USB1: variants seen among roughly 807,000 people sequenced by gnomAD.
The protein encoded by USB1 is U6 snRNA phosphodiesterase 1.
A neutral mutation model predicts 29.9 loss-of-function variants in USB1; 21 were observed. The ratio of observed to expected loss-of-function variants is 0.70; its 90% confidence interval spans 0.50 to 1.01. The LOEUF is 1.01. Ranked by LOEUF, USB1 falls within the 50% of genes least tolerant of loss-of-function variation. The pLI is 0.00. For missense variants in USB1, 330 were observed against 347.1 expected (o/e 0.95, Z 0.39); for synonymous variants, 143 against 134.9 (o/e 1.06, Z -0.42).
intron 3 of USB1, chr16:58,010,951 C>T (rs1332415513): frequency 4.6e-5 from 32 of 699,596 alleles, no homozygotes; most frequent in Admixed American, 4.0e-4. Context: ...CCTCCCATAC[C>T]GGGAGGGTAG....
chr16:58,001,154 T>C (rs1963173914), upstream of USB1, among the ~76,000 whole-genome samples: 1 of 152,098 alleles, frequency 6.6e-6, no homozygotes. Context: ...GTGTCTGGTA[T>C]GTCTGGTCCC....
intron 4 of USB1, chr16:58,015,952 T>C (rs1963605387): frequency 6.6e-6 from 1 of 152,300 alleles, no homozygotes; most frequent in Non-Finnish European, 1.5e-5. Context: ...ATTTTCAGTA[T>C]AATGGAAGCC....
chr16:58,011,257 G>A lies in USB1; in HGVS notation c.449+1145G>A. The A allele has an allele frequency of 3.4e-6, 5 of 1,456,828 alleles. No homozygotes were observed. The South Asian group carries it at 4.3e-5, about 13-fold the overall frequency. 90.2% of individuals were successfully genotyped at this position (1,456,828 alleles called of 1,614,324 possible). A position where few individuals can be genotyped will look rare whatever the true frequency, so the allele number is the denominator to read the frequency against. ...CATTTCACAGTGATAGGTCAAACAGGTCATGGTAATGGTGGGAGCTACCTC... is the reference window on the plus strand; with the variant it reads ...CATTTCACAGTGATAGGTCAAACAGATCATGGTAATGGTGGGAGCTACCTC... On this transcript the variant is annotated intron_variant, in intron 3 of 6. Coordinates refer to ENST00000219281, the MANE Select transcript of USB1 (RefSeq NM_024598.4).
At chr16:58,011,840 C>T in intron 3 of USB1, 2 of 990,990 alleles carry the variant, frequency 2.0e-6, no homozygotes, top group Non-Finnish European at 2.4e-6. Flanking sequence ...GTGCTCTGCT[C>T]ACAGTAGACA....
rs905780203 is a variant in USB1 at position 58,012,087 on chromosome 16, C to T, written c.449+1975C>T. 4 of 1,373,944 alleles carry T rather than the reference C, an allele frequency of 2.9e-6. No individual in the cohort carries two copies. In the African/African-American group the frequency reaches 4.4e-5, roughly 15 times the overall value. 85.1% of individuals were successfully genotyped at this position (1,373,944 alleles called of 1,614,324 possible). A position where few individuals can be genotyped will look rare whatever the true frequency, so the allele number is the denominator to read the frequency against. On this transcript the variant is annotated intron_variant, in intron 3 of 6. Coordinates refer to ENST00000219281, the MANE Select transcript of USB1 (RefSeq NM_024598.4). ...TAGCCAAAGCCCCATTCCCACAGTT[C>T]AGGGGGCCATAGGCCCAGGAATTCC... is the stretch of plus-strand genomic sequence containing the variant.
chr16:58,018,389 A>G (rs1301113584), intron 5 of USB1, among the ~76,000 whole-genome samples: 1 of 151,918 alleles, frequency 6.6e-6, no homozygotes, highest in Non-Finnish European at 1.5e-5. Flanking sequence ...ACGCCCAGCT[A>G]ATTTTTGTAT....
rs187145857 is a variant in USB1, at chr16:58,002,445, T to A, written c.99-34T>A. On this transcript the variant is annotated intron_variant, in intron 1 of 6. Coordinates refer to ENST00000219281, the MANE Select transcript of USB1 (RefSeq NM_024598.4). ...ACAAAGGTAGAGAATGCTAACAGGA[T>A]AAATGTACTCATTTTTCTTTTTTTC... 0.076 allele frequency: 121,898 copies of A among 1,612,346 alleles called. 5,193 individuals are homozygous for A. The highest frequency in any genetic ancestry group is 0.083 in the South Asian group (7,596 of 91,068).
chr16:58,014,356 A>G (rs946913736), intron 4 of USB1, 30 bp downstream of exon 4: 1 of 1,592,372 alleles, frequency 6.3e-7, no homozygotes, highest in Admixed American at 1.7e-5. Flanking sequence ...AATCACCATC[A>G]GAGGAAGATT....
chr16:58,005,914 C>G (rs1301888538), intron 2 of USB1, among the ~76,000 whole-genome samples: 1 of 152,196 alleles, frequency 6.6e-6, no homozygotes, highest in Non-Finnish European at 1.5e-5. Flanking sequence ...TTGTTCGTTG[C>G]TGGTGTATAG....
intron 3 of USB1, chr16:58,012,636 C>G: frequency 7.7e-7 from 1 of 1,302,890 alleles, no homozygotes; most frequent in Non-Finnish European, 9.8e-7. Flanking sequence ...TCTGACCCGT[C>G]TCCTGTGTGC....
chr16:58,016,722 G>A (rs758342982), intron 4 of USB1: 2 of 173,254 alleles, frequency 1.2e-5, no homozygotes, highest in African/African-American at 2.4e-5. Context: ...GGCGGACAGC[G>A]AAGTGTCCCT....
At chr16:58,011,624 G>A (rs1453016340) in intron 3 of USB1, 12 of 988,632 alleles carry the variant, frequency 1.2e-5, no homozygotes, top group Non-Finnish European at 1.4e-5. Flanking sequence ...TGACACCTCC[G>A]TCCAGAGATC....
chr16:58,014,225 G>C, intron 3 of USB1, 48 bp from the exon 4 acceptor site: 1 of 1,495,538 alleles, frequency 6.7e-7, no homozygotes. Context: ...TATTTTTTCT[G>C]CTTTTTTTCT....
At chr16:58,016,948 GCAGA>G in intron 4 of USB1, 2 of 316,618 alleles carry the variant, frequency 6.3e-6, no homozygotes, top group Non-Finnish European at 1.2e-5. Context: ...GGGAGGCGTG[GCAGA>G]TGCCTGGGAG....
intron 6 of USB1, among the ~76,000 whole-genome samples, chr16:58,019,728 T>C (rs1399025250): frequency 6.6e-6 from 1 of 152,200 alleles, no homozygotes; most frequent in African/African-American, 2.4e-5. Flanking sequence ...AGTTTTCAAA[T>C]GTCAGCAACT....
Position 58,020,187 on chromosome 16 carries a change from A to C in USB1, c.740A>C (p.His247Pro), listed in dbSNP as rs1963705231. ...GATGCTGAGGTGCTGCTGCGCGTGC[A>C]CACTGAGCAAGTCCGCTGCAAGTCT... ...FEDAEVLLRV[H>P]TEQVRCKSGN... The change falls in exon 7 of 7, where the codon CAC becomes CCC. Residue 247 changes from histidine to proline, a missense_variant. His to Pro is a moderately conservative substitution (Grantham distance 77, BLOSUM62 -2). Coordinates refer to ENST00000219281, the MANE Select transcript of USB1 (RefSeq NM_024598.4). 1 of 1,614,172 alleles carries C rather than the reference A, an allele frequency of 6.2e-7. No individual in the cohort carries two copies. The highest frequency in any genetic ancestry group is 8.5e-7 in the Non-Finnish European group (1 of 1,180,038).
rs1369989303 is a variant in USB1, at chr16:58,002,153, C to A, written c.99-326C>A. On this transcript the variant is annotated intron_variant, in intron 1 of 6. Coordinates refer to ENST00000219281, the MANE Select transcript of USB1 (RefSeq NM_024598.4). ...TACTTTCAGATGAGGCATTTGAGGC[C>A]CAGAAAGGGGACATGACTTGCCCAA... 2.0e-5 allele frequency among the ~76,000 whole-genome samples: 3 copies of A among 152,240 alleles called. No homozygotes were observed. In the East Asian group the frequency reaches 5.8e-4, roughly 29 times the overall value.
rs1159337848 is a variant in USB1 at position 58,020,601 on chromosome 16, C to T, written c.*356C>T. On this transcript the variant is annotated 3_prime_UTR_variant, in exon 7 of 7. Coordinates refer to ENST00000219281, the MANE Select transcript of USB1 (RefSeq NM_024598.4). ...TCTCTCTTCCTCTCCTCTCTCTACC[C>T]CTCCTGTCTCTCCTCCCCTCCTCTC... The T allele has an allele frequency of 6.3e-6, 2 of 317,926 alleles. No individual in the cohort carries two copies. The highest frequency in any genetic ancestry group is 2.7e-5 in the African/African-American group (1 of 37,198). The allele number at this position is 317,926 out of a possible 1,614,324, so 19.7% of individuals were successfully genotyped here. A position where few individuals can be genotyped will look rare whatever the true frequency, so the allele number is the denominator to read the frequency against.
intron 3 of USB1, chr16:58,011,106 G>C: frequency 9.1e-7 from 1 of 1,101,662 alleles, no homozygotes; most frequent in Non-Finnish European, 1.3e-6. Flanking sequence ...TCTGCGTCAG[G>C]AGCCAGGATC....
Sources: gnomAD v4.1 joint callset for allele counts (sites outside exome capture counted in the v4.1 genomes callset) on GRCh38, gnomAD v4.1.1 for gene constraint, MANE v1.5 for transcripts, NCBI Gene and HGNC (gene_info 2026-07-23, HGNC 2026-07-21) for gene names.